The following PCDH7 variants were observed in gnomAD, a reference collection of about 807,000 sequenced individuals.
PCDH7 encodes the protein protocadherin-7.
Under a neutral mutation model 58.9 loss-of-function variants are expected in PCDH7, and 17 were observed. The observed-to-expected ratio is 0.29, with a 90% CI of 0.20 to 0.43. The LOEUF (loss-of-function observed/expected upper bound fraction) is 0.43. Among genes scored for constraint, PCDH7 ranks in the 20% least tolerant of loss-of-function variants. The probability of loss-of-function intolerance (pLI) is 1.00; values close to 1 mark genes in which losing one functional copy is unlikely to be tolerated. For synonymous variants in PCDH7, 664 were observed against 616.4 expected, an observed-to-expected ratio of 1.08 and a Z score of -1.14; for missense variants, 1,274 against 1,441.0, an observed-to-expected ratio of 0.88 and a Z score of 1.88.
At chr4:31,126,279 C>G (rs544551087) in intron 3 of PCDH7, among the ~76,000 whole-genome samples, 1 of 152,062 alleles carries the variant, frequency 6.6e-6, no homozygotes, top group East Asian at 1.9e-4. Flanking sequence ...CCTCAGCCTC[C>G]TGTGTAGCTA....
At chr4:31,106,147 G>A (rs978095773) in intron 3 of PCDH7, among the ~76,000 whole-genome samples, 11 of 152,026 alleles carry the variant, frequency 7.2e-5, no homozygotes, top group Non-Finnish European at 1.6e-4. Context: ...TTCAAAGTAT[G>A]TTTAAGGCAG....
intron 1 of PCDH7, among the ~76,000 whole-genome samples, chr4:30,730,048 T>C (rs2109236262): frequency 6.6e-6 from 1 of 152,020 alleles, no homozygotes; most frequent in East Asian, 1.9e-4. Flanking sequence ...CATTTTAACA[T>C]CTTTTCTTTC....
At chr4:30,919,345 C>G (rs1203156542) in intron 1 of PCDH7, among the ~76,000 whole-genome samples, 1 of 152,128 alleles carries the variant, frequency 6.6e-6, no homozygotes, top group Non-Finnish European at 1.5e-5. Context: ...CAAATACCTT[C>G]CATAGTAAAT....
At chr4:30,967,220 A>AAG (rs397878319) in intron 3 of PCDH7, among the ~76,000 whole-genome samples, 10 of 152,078 alleles carry the variant, frequency 6.6e-5, no homozygotes, top group Admixed American at 1.3e-4. Flanking sequence ...AGAAAAAAAA[A>AAG]TCAGTCATAA....
intron 1 of PCDH7, among the ~76,000 whole-genome samples, chr4:30,879,682 G>T (rs1460497627): frequency 1.3e-5 from 2 of 152,082 alleles, no homozygotes; most frequent in Admixed American, 6.6e-5. Context: ...ATATTGAGCA[G>T]ATTATATCAT....
chr4:30,893,773 T>C (rs2109386322), intron 1 of PCDH7, among the ~76,000 whole-genome samples: 1 of 152,256 alleles, frequency 6.6e-6, no homozygotes, highest in East Asian at 1.9e-4. Flanking sequence ...TAATTGTTCC[T>C]TATTATACTA....
chr4:30,945,276 C>A lies in PCDH7; in HGVS notation c.288-4844C>A, dbSNP rs556778036. On this transcript the variant is annotated intron_variant, in intron 2 of 3. Coordinates refer to the PCDH7 transcript ENST00000509759. ...ATATGTGTGTGCATGTATATTATCT[C>A]AAATCCAATTGTAATATAATTCAGT... Among the ~76,000 whole-genome samples, 4 of 152,104 alleles carry A rather than the reference C, an allele frequency of 2.6e-5. No homozygotes were observed. In the East Asian group the frequency reaches 7.7e-4, roughly 29 times the overall value.
intron 1 of PCDH7, chr4:30,786,660 G>A: frequency 2.0e-6 from 1 of 502,836 alleles, no homozygotes; most frequent in Non-Finnish European, 2.6e-6. Context: ...CCAAGCTTTG[G>A]AACTAGGCTG....
chr4:30,879,520 AT>A (rs1324028025), intron 1 of PCDH7, among the ~76,000 whole-genome samples: 1 of 152,080 alleles, frequency 6.6e-6, no homozygotes, highest in Non-Finnish European at 1.5e-5. Context: ...AACTTTATAA[AT>A]TGGCCTTTTA....
At position 30,801,238 on chromosome 4, in the gene PCDH7, A is replaced by C. The variant is rs562166153; in HGVS notation, c.70+76642A>C. Among the ~76,000 whole-genome samples the C allele has an allele frequency of 2.6e-5, 4 of 152,350 alleles. No homozygotes were observed. The South Asian group carries it at 8.3e-4, about 32-fold the overall frequency. ...GATTTTAGTTTTGAACATTTTAATA[A>C]GAAAGTGGAATTGGAAATGTGGGAG... On this transcript the variant is annotated intron_variant, in intron 1 of 3. Transcript: ENST00000509759.
At chr4:31,109,067 G>T (rs1456419810) in intron 3 of PCDH7, among the ~76,000 whole-genome samples, 1 of 152,152 alleles carries the variant, frequency 6.6e-6, no homozygotes, top group African/African-American at 2.4e-5. Flanking sequence ...GCTCAGGCTT[G>T]TTCCCATGCC....
At chr4:31,144,127 G>A (rs1383534405), downstream of PCDH7, 2 of 152,092 alleles carry the variant, frequency 1.3e-5, no homozygotes, top group South Asian at 4.1e-4. Context: ...TACTTGTTCA[G>A]TGCACACTTT....
intron 2 of PCDH7, among the ~76,000 whole-genome samples, chr4:30,941,199 A>C (rs2109436320): frequency 6.6e-6 from 1 of 152,060 alleles, no homozygotes; most frequent in Non-Finnish European, 1.5e-5. Context: ...AACTAAGAAC[A>C]GTGTGCAAAG....
chr4:30,978,535 C>T (rs1176545808), intron 3 of PCDH7, among the ~76,000 whole-genome samples: 4 of 152,082 alleles, frequency 2.6e-5, no homozygotes, highest in South Asian at 2.1e-4. Flanking sequence ...TTGGTTCAAA[C>T]GTGCATATGT....
At chr4:30,849,071 C>G (rs1257380939) in intron 1 of PCDH7, among the ~76,000 whole-genome samples, 2 of 152,052 alleles carry the variant, frequency 1.3e-5, no homozygotes, top group African/African-American at 2.4e-5. Context: ...TAACTAAACA[C>G]ATTCACTTAT....
At chr4:30,922,124 GTA>G (rs1010257018) in intron 2 of PCDH7, among the ~76,000 whole-genome samples, 1 of 151,240 alleles carries the variant, frequency 6.6e-6, no homozygotes, top group Admixed American at 6.6e-5. Flanking sequence ...GTGTAATTAC[GTA>G]TGTGTGATAT....
intron 1 of PCDH7, among the ~76,000 whole-genome samples, chr4:30,767,207 G>C (rs147107034): frequency 6.6e-6 from 1 of 152,200 alleles, no homozygotes; most frequent in East Asian, 1.9e-4. Flanking sequence ...TCAATAGCAG[G>C]GTATGGATTT....
intron 3 of PCDH7, among the ~76,000 whole-genome samples, chr4:31,139,489 C>G (rs760637125): frequency 1.3e-5 from 2 of 151,896 alleles, no homozygotes; most frequent in Non-Finnish European, 1.5e-5. Flanking sequence ...CTCTATAATG[C>G]CACAAAAAAA....
intron 1 of PCDH7, among the ~76,000 whole-genome samples, chr4:30,764,643 A>G (rs1720456554): frequency 6.6e-6 from 1 of 152,188 alleles, no homozygotes; most frequent in Admixed American, 6.5e-5. Flanking sequence ...CTTTATTGGT[A>G]TATGAGATGA....
Sources: allele counts gnomAD v4.1 joint callset (sites outside exome capture counted in the v4.1 genomes callset), GRCh38; gene constraint gnomAD v4.1.1; transcripts MANE v1.5; gene names NCBI Gene and HGNC (gene_info 2026-07-23, HGNC 2026-07-21).